The following GPR6 variants were observed in gnomAD, a reference collection of about 807,000 sequenced individuals.
GPR6 encodes the protein sphingosine 1-phosphate receptor GPR6.
A neutral mutation model predicts 18.5 loss-of-function variants in GPR6; 14 were observed. The ratio of observed to expected loss-of-function variants is 0.76; its 90% CI spans 0.50 to 1.18. The LOEUF is 1.18. Ranked by LOEUF, GPR6 falls within the 50% of genes most tolerant of loss-of-function variation. The pLI is 0.00. For synonymous variants in GPR6, 299 were observed against 240.9 expected, an observed-to-expected ratio of 1.24 and a Z score of -2.23; for missense variants, 477 against 495.9, an observed-to-expected ratio of 0.96 and a Z score of 0.36.
chr6:109,979,027 C>T (rs891624651), intron 1 of GPR6, 68 bp from the exon 2 acceptor site: 81 of 1,537,100 alleles, frequency 5.3e-5, no homozygotes, highest in Non-Finnish European at 6.7e-5. Flanking sequence ...AGAGGAGGCT[C>T]TACGCGTGGG....
chr6:109,978,976 G>C (rs1771006318), intron 1 of GPR6, 119 bp from the exon 2 acceptor site: 1 of 1,535,300 alleles, frequency 6.5e-7, no homozygotes, highest in South Asian at 1.2e-5. Context: ...ATTTGCTCTG[G>C]GGTCCCAGGG....
Position 109,979,977 on chromosome 6 carries a change from G to A in GPR6, c.865G>A (p.Gly289Ser), listed in dbSNP as rs1229993325. 3.1e-6 allele frequency: 5 copies of A among 1,612,898 alleles called. No individual in the cohort carries two copies. Among genetic ancestry groups the A allele is most frequent in the Non-Finnish European group, 4.2e-6 (5 of 1,180,038 alleles). ...GTLAVVLGTFGASWLPFAIYC... is the reference protein window; with the variant it reads ...GTLAVVLGTFSASWLPFAIYC... The stretch of plus-strand genomic sequence containing the variant: ...ACTGGCTGTGGTGCTGGGCACTTTC[G>A]GCGCCAGCTGGCTGCCCTTCGCCAT... Residue 289 changes from glycine to serine, a missense_variant, in exon 2 of 2, where the codon GGC becomes AGC. Coordinates refer to ENST00000275169, the MANE Select transcript of GPR6 (RefSeq NM_005284.5).
chr6:109,979,770 C>G lies in GPR6; in HGVS notation c.658C>G (p.Arg220Gly). 1.3e-6 allele frequency: 2 copies of G among 1,597,316 alleles called. No homozygotes were observed. Among genetic ancestry groups the G allele is most frequent in the Non-Finnish European group, 1.7e-6 (2 of 1,176,392 alleles). ...LAERAACSVV[R>G]PLARSHVALL... ...AGAGCGCGCCGCCTGCAGCGTGGTGCGCCCGCTGGCGCGCAGCCACGTGGC... is the reference window on the plus strand; with the variant it reads ...AGAGCGCGCCGCCTGCAGCGTGGTGGGCCCGCTGGCGCGCAGCCACGTGGC... The change falls in exon 2 of 2, where the codon CGC (arginine) becomes GGC (glycine). Residue 220 changes from arginine (R) to glycine (G), a missense_variant. Arg to Gly is a moderately radical substitution (Grantham distance 125). Coordinates refer to ENST00000275169, the MANE Select transcript of GPR6 (RefSeq NM_005284.5).
At position 109,980,276 on chromosome 6, in the gene GPR6, C is replaced by T; in HGVS notation, c.*75C>T. ...CTTTGGTAAGCTCGGTGCCTGCTGA[C>T]GAACTCTGAGATCCCAATGGTGTGA... On this transcript the variant is annotated 3_prime_UTR_variant, in exon 2 of 2. Coordinates refer to ENST00000275169, the MANE Select transcript of GPR6 (RefSeq NM_005284.5). 1 of 1,582,442 alleles carries T rather than the reference C, an allele frequency of 6.3e-7. No individual in the cohort carries two copies. The highest frequency in any genetic ancestry group is 8.6e-7 in the Non-Finnish European group (1 of 1,162,252).
chr6:109,978,997 A>T (rs1407884484), intron 1 of GPR6, 98 bp from the exon 2 acceptor site: 4 of 1,541,202 alleles, frequency 2.6e-6, no homozygotes, highest in Non-Finnish European at 3.5e-6. Flanking sequence ...TGGGGTGGGC[A>T]ACTCAAGTGG....
chr6:109,979,031 G>C, intron 1 of GPR6, 64 bp from the exon 2 acceptor site: 2 of 1,536,728 alleles, frequency 1.3e-6, no homozygotes, highest in African/African-American at 1.4e-5. Context: ...GAGGCTCTAC[G>C]CGTGGGGAAG....
chr6:109,979,988 G>A lies in GPR6; in HGVS notation c.876G>A (p.Trp292Ter). 6.2e-7 allele frequency: 1 copy of A among 1,613,046 alleles called. No homozygotes were observed. The highest frequency in any genetic ancestry group is 8.5e-7 in the Non-Finnish European group (1 of 1,180,024). Residue 292 changes from tryptophan (W) to a stop codon, truncating the protein, a stop_gained, in exon 2 of 2, where the codon TGG (tryptophan) becomes TGA (stop). Coordinates refer to ENST00000275169, the MANE Select transcript of GPR6 (RefSeq NM_005284.5). LOFTEE classifies it high-confidence loss of function. ...AVVLGTFGASWLPFAIYCVVG... is the reference protein window; with the variant it reads ...AVVLGTFGAS ...TGCTGGGCACTTTCGGCGCCAGCTG[G>A]CTGCCCTTCGCCATCTATTGCGTGG...
Position 109,980,347 on chromosome 6 carries a change from C to A in GPR6, c.*146C>A. The A allele has an allele frequency of 8.7e-7, 1 of 1,149,586 alleles. No individual in the cohort carries two copies. The highest frequency in any genetic ancestry group is 1.2e-6 in the Non-Finnish European group (1 of 800,110). 71.2% of individuals were successfully genotyped at this position (1,149,586 alleles called of 1,614,324 possible). On this transcript the variant is annotated 3_prime_UTR_variant, in exon 2 of 2. Coordinates refer to ENST00000275169, the MANE Select transcript of GPR6 (RefSeq NM_005284.5). Reference sequence around the variant, plus strand: ...AGGGACTAAAGAGAAATGTAACAAACTTACAAGGACAAAGAGGCTTGTTGG... The same window carrying A: ...AGGGACTAAAGAGAAATGTAACAAAATTACAAGGACAAAGAGGCTTGTTGG...
rs150461360 is a variant in GPR6 at position 109,979,859 on chromosome 6, C to T, written c.747C>T (p.Cys249=). 37 of 1,609,260 alleles carry T rather than the reference C, an allele frequency of 2.3e-5. No homozygotes were observed. The African/African-American group carries it at 4.7e-4, about 20-fold the overall frequency. The change falls in exon 2 of 2, where the codon TGC becomes TGT. Residue 249 remains cysteine, a synonymous_variant. Transcript: ENST00000275169. ...TGCTGCACCTGTACGTGCGCATCTGCCAGGTGGTCTGGCGCCACGCGCACC... is the reference window on the plus strand; with the variant it reads ...TGCTGCACCTGTACGTGCGCATCTGTCAGGTGGTCTGGCGCCACGCGCACC... ...GIMLHLYVRI[C]QVVWRHAHQI...
In GPR6 at chr6:109,980,149, G is replaced by A; in HGVS notation, c.1037G>A (p.Gly346Asp). Residue 346 changes from glycine to aspartate, a missense_variant, in exon 2 of 2, where the codon GGC becomes GAC. Coordinates refer to ENST00000275169, the MANE Select transcript of GPR6 (RefSeq NM_005284.5). Reference sequence around the variant, plus strand: ...CGCGCCCTGTGGCTCCTGCTCTGTGGCTGTTTCCAGTCCAAAGTGCCCTTT... The same window carrying A: ...CGCGCCCTGTGGCTCCTGCTCTGTGACTGTTTCCAGTCCAAAGTGCCCTTT... ...IQRALWLLLC[G>D]CFQSKVPFRS... 1 of 1,614,230 alleles carries A rather than the reference G, an allele frequency of 6.2e-7. No individual in the cohort carries two copies. The highest frequency in any genetic ancestry group is 1.6e-4 in the Middle Eastern group (1 of 6,062).
chr6:109,978,727 TG>T, intron 1 of GPR6: 1 of 1,534,962 alleles, frequency 6.5e-7, no homozygotes, highest in Non-Finnish European at 8.7e-7. Flanking sequence ...CCCAGCCCCA[TG>T]GGGATGTCCT....
chr6:109,979,204 C>T lies in GPR6; in HGVS notation c.92C>T (p.Pro31Leu), dbSNP rs768568157. 2 of 1,599,670 alleles carry T rather than the reference C, an allele frequency of 1.3e-6. No homozygotes were observed. The highest frequency in any genetic ancestry group is 1.1e-5 in the South Asian group (1 of 90,388). Residue 31 changes from proline to leucine, a missense_variant, in exon 2 of 2, where the codon CCG (proline) becomes CTG (leucine). By Grantham distance (98) the Pro-to-Leu change is moderately conservative. Coordinates refer to ENST00000275169, the MANE Select transcript of GPR6 (RefSeq NM_005284.5). ...AAAAATAAGGPDTGEWGPPAA... is the reference protein window; with the variant it reads ...AAAAATAAGGLDTGEWGPPAA... ...GCGGCGGCCACAGCAGCAGGGGGGC[C>T]GGACACGGGCGAATGGGGACCCCCT...
In GPR6 at chr6:109,979,933, C is replaced by T. The variant is rs1199820667; in HGVS notation, c.821C>T (p.Thr274Ile). The part of the protein sequence containing the change: ...HCLAPPHLAA[T>I]RKGVGTLAVV... ...CTGGCGCCACCCCATCTCGCTGCCACCAGAAAGGGTGTGGGTACACTGGCT... is the reference window on the plus strand; with the variant it reads ...CTGGCGCCACCCCATCTCGCTGCCATCAGAAAGGGTGTGGGTACACTGGCT... The change falls in exon 2 of 2, where the codon ACC becomes ATC. Residue 274 changes from threonine to isoleucine, a missense_variant. Transcript: ENST00000275169. 1 of 1,612,902 alleles carries T rather than the reference C, an allele frequency of 6.2e-7. No homozygotes were observed. The highest frequency in any genetic ancestry group is 8.5e-7 in the Non-Finnish European group (1 of 1,180,034).
At chr6:109,978,954 C>T in intron 1 of GPR6, 141 bp from the exon 2 acceptor site, 1 of 1,529,392 alleles carries the variant, frequency 6.5e-7, no homozygotes, top group East Asian at 2.3e-5. Context: ...GCACTTAACC[C>T]ATGATTCCCC....
chr6:109,978,528 C>A, intron 1 of GPR6, 61 bp downstream of exon 1: 1 of 520,104 alleles, frequency 1.9e-6, no homozygotes, highest in Non-Finnish European at 3.4e-6. Context: ...AGAAAGATAT[C>A]CAGGGGACAG....
Position 109,979,673 on chromosome 6 carries a change from C to T in GPR6, c.561C>T (p.Leu187=), listed in dbSNP as rs1368647088. Residue 187 remains leucine, a synonymous_variant, in exon 2 of 2, where the codon CTC becomes CTT. Transcript: ENST00000275169. ...YSRRTLLGVH[L]LLAATWTVSL... ...GCCGGACCCTGTTGGGCGTGCACCT[C>T]CTGCTTGCCGCCACTTGGACCGTGT... is the stretch of plus-strand genomic sequence containing the variant. 1 of 1,610,944 alleles carries T rather than the reference C, an allele frequency of 6.2e-7. No homozygotes were observed. The highest frequency in any genetic ancestry group is 8.5e-7 in the Non-Finnish European group (1 of 1,179,922).
Position 109,979,344 on chromosome 6 carries a change from C to CTCGGTGAA in GPR6, c.234_235insGGTGAATC (p.Leu79GlyfsTer10). The stretch of plus-strand genomic sequence containing the variant: ...GCCAGCGGTGAATCCGTGGGACGTG[C>CTCGGTGAA]TCCTGTGCGTGTCGGGGACAGTGAT... On this transcript the variant is annotated frameshift_variant, in exon 2 of 2. Transcript: ENST00000275169. LOFTEE classifies it high-confidence loss of function. The CTCGGTGAA allele has an allele frequency of 6.2e-7, 1 of 1,613,758 alleles. No homozygotes were observed. The highest frequency in any genetic ancestry group is 8.5e-7 in the Non-Finnish European group (1 of 1,179,958).
rs1771068966 is a variant in GPR6 at position 109,980,662 on chromosome 6, C to G, written c.*461C>G. ...GTATGTGATAGAATATTTTGCTGCA[C>G]ATGCATCAACAAATTACAACATGTT... is the stretch of plus-strand genomic sequence containing the variant. On this transcript the variant is annotated 3_prime_UTR_variant, in exon 2 of 2. Coordinates refer to ENST00000275169, the MANE Select transcript of GPR6 (RefSeq NM_005284.5). 5.4e-6 allele frequency: 1 copy of G among 183,634 alleles called. No individual in the cohort carries two copies. Among genetic ancestry groups the G allele is most frequent in the East Asian group, 1.9e-4 (1 of 5,402 alleles). 11.4% of individuals were successfully genotyped at this position (183,634 alleles called of 1,614,324 possible).
In GPR6 at chr6:109,979,619, C is replaced by T. The variant is rs1331707179; in HGVS notation, c.507C>T (p.Ser169=). Residue 169 remains serine, a synonymous_variant, in exon 2 of 2, where the codon TCC becomes TCT. Transcript: ENST00000275169. Reference sequence around the variant, plus strand: ...CCATTACGGTGGACCGCTACCTGTCCCTGTATAACGCGCTCACCTATTACT... The same window carrying T: ...CCATTACGGTGGACCGCTACCTGTCTCTGTATAACGCGCTCACCTATTACT... ...LLAITVDRYL[S]LYNALTYYSR... 4.3e-6 allele frequency: 7 copies of T among 1,612,638 alleles called. No homozygotes were observed. In the African/African-American group the frequency reaches 9.3e-5, roughly 22 times the overall value.
Sources: allele counts gnomAD v4.1 joint callset, GRCh38; gene constraint gnomAD v4.1.1; transcripts MANE v1.5; gene names NCBI Gene and HGNC (gene_info 2026-07-23, HGNC 2026-07-21).